Variants in POF1B observed in about 807,000 individuals in gnomAD.
POF1B encodes the protein POF1B actin binding protein.
POF1B carries 53 observed loss-of-function variants against 55.3 expected under a neutral mutation model. That is an observed-to-expected ratio of 0.96 (90% CI 0.77 to 1.20). The LOEUF is 1.20. POF1B is among the 50% of genes most tolerant of loss of function. The pLI is 0.00. For missense variants in POF1B, 478 were observed against 420.5 expected (o/e 1.14, Z -1.20); for synonymous variants, 188 against 148.3 (o/e 1.27, Z -1.95).
chrX:85,355,629 C>G (rs1469249197), intron 4 of POF1B, among the ~76,000 whole-genome samples: 1 of 111,428 alleles, frequency 9.0e-6, no homozygotes, highest in Non-Finnish European at 1.9e-5. Flanking sequence ...ACAAACAACC[C>G]CATCGAAAAG....
chrX:85,322,310 C>G (rs1217321536), intron 7 of POF1B, among the ~76,000 whole-genome samples: 16 of 110,946 alleles, frequency 1.4e-4, no homozygotes, highest in Non-Finnish European at 3.8e-5. Flanking sequence ...ACTATCTGAT[C>G]TTTGACAAAC....
intron 15 of POF1B, among the ~76,000 whole-genome samples, chrX:85,295,604 T>C (rs1172773515): frequency 1.8e-5 from 2 of 111,906 alleles, no homozygotes; most frequent in Admixed American, 9.5e-5. Context: ...TGGTATAATT[T>C]TGATTTTTTA....
At chrX:85,353,511 G>A (rs1478778021) in intron 4 of POF1B, among the ~76,000 whole-genome samples, 2 of 110,870 alleles carry the variant, frequency 1.8e-5, no homozygotes, top group South Asian at 3.8e-4. Flanking sequence ...GACATTTTAC[G>A]TGCTCCTAAT....
intron 5 of POF1B, among the ~76,000 whole-genome samples, chrX:85,350,193 C>G (rs1257069728): frequency 9.2e-6 from 1 of 108,359 alleles, no homozygotes; most frequent in Non-Finnish European, 1.9e-5. Flanking sequence ...GTCCCCCCAC[C>G]CCACAACAGT....
intron 15 of POF1B, among the ~76,000 whole-genome samples, chrX:85,288,972 A>G (rs1932121053): frequency 8.9e-6 from 1 of 111,853 alleles, no homozygotes; most frequent in African/African-American, 3.3e-5. Context: ...TGAAACAGAT[A>G]ATGTAAAAAT....
intron 5 of POF1B, among the ~76,000 whole-genome samples, chrX:85,349,929 G>A (rs752854024): frequency 9.0e-6 from 1 of 110,932 alleles, no homozygotes; most frequent in South Asian, 3.8e-4. Context: ...ATGCTTATAT[G>A]AACTGAGAAG....
Position 85,350,302 on chromosome X carries a change from C to T in POF1B, c.540+1048G>A, listed in dbSNP as rs1414253778. ...TGCGGTGTTTGGTTTTTTGTTCTTG[C>T]GATAGTTTACTGAGAATGATGATTT... On this transcript the variant is annotated intron_variant, in intron 5 of 16. Transcript: ENST00000262753. Among the ~76,000 whole-genome samples, 6 of 108,711 alleles carry T rather than the reference C, an allele frequency of 5.5e-5. No individual in the cohort carries two copies. In the Admixed American group the frequency reaches 6.0e-4, roughly 11 times the overall value. The allele number at this position is 108,711 out of a possible 115,157, so 94.4% of individuals were successfully genotyped here. A position where few individuals can be genotyped will look rare whatever the true frequency, so the allele number is the denominator to read the frequency against.
At chrX:85,356,613 C>A (rs1308604330) in intron 4 of POF1B, among the ~76,000 whole-genome samples, 4 of 109,854 alleles carry the variant, frequency 3.6e-5, no homozygotes, top group Non-Finnish European at 7.6e-5. Flanking sequence ...GGAAGTAAAT[C>A]AAAAATTGAT....
Position 85,293,503 on chromosome X carries a change from C to T in POF1B, c.1649+9903G>A, listed in dbSNP as rs183414149. 3.7e-3 allele frequency among the ~76,000 whole-genome samples: 418 copies of T among 111,563 alleles called. 2 individuals are homozygous for T. The highest frequency in any genetic ancestry group is 0.013 in the African/African-American group (407 of 30,697). ...TGGACATGTAGAGAGGAGCAACACACACTTGGCCTTTTAGAAGGTGGAAGG... is the reference window on the plus strand; with the variant it reads ...TGGACATGTAGAGAGGAGCAACACATACTTGGCCTTTTAGAAGGTGGAAGG... On this transcript the variant is annotated intron_variant, in intron 15 of 16. Coordinates refer to ENST00000262753, the MANE Select transcript of POF1B (RefSeq NM_024921.4).
chrX:85,287,970 A>G (rs2147892141), intron 15 of POF1B, among the ~76,000 whole-genome samples: 1 of 112,018 alleles, frequency 8.9e-6, no homozygotes, highest in East Asian at 2.8e-4. Flanking sequence ...TAACAGATCA[A>G]ACAAACAATA....
chrX:85,346,919 A>G (rs1337315545), intron 5 of POF1B, among the ~76,000 whole-genome samples: 2 of 111,283 alleles, frequency 1.8e-5, no homozygotes, highest in Non-Finnish European at 3.8e-5. Context: ...AATTAATGAC[A>G]AACTTGGGAC....
intron 4 of POF1B, among the ~76,000 whole-genome samples, chrX:85,352,966 G>A (rs927020753): frequency 2.7e-5 from 3 of 111,084 alleles, no homozygotes; most frequent in African/African-American, 9.8e-5. Context: ...TTTGTTATCT[G>A]TTTCTTTACA....
chrX:85,280,922 G>A (rs1289960497), intron 16 of POF1B, among the ~76,000 whole-genome samples: 1 of 110,905 alleles, frequency 9.0e-6, no homozygotes, highest in Non-Finnish European at 1.9e-5. Context: ...ATGGGAGACT[G>A]TCCTGCACAT....
At chrX:85,355,396 G>T (rs759087757) in intron 4 of POF1B, among the ~76,000 whole-genome samples, 3 of 110,714 alleles carry the variant, frequency 2.7e-5, no homozygotes, top group Admixed American at 1.9e-4. Context: ...ACATAGGCTT[G>T]GGCAAGGACT....
intron 6 of POF1B, among the ~76,000 whole-genome samples, chrX:85,340,517 G>C (rs939254847): frequency 1.8e-5 from 2 of 111,418 alleles, no homozygotes; most frequent in African/African-American, 3.3e-5. Context: ...AGTTTCAAGT[G>C]AAGATATAAA....
intron 7 of POF1B, among the ~76,000 whole-genome samples, chrX:85,323,077 C>G (rs1932856672): frequency 9.0e-6 from 1 of 111,076 alleles, no homozygotes; most frequent in East Asian, 2.8e-4. Flanking sequence ...CCACTTGACC[C>G]AGCCATCCCA....
intron 4 of POF1B, among the ~76,000 whole-genome samples, chrX:85,353,765 C>T: frequency 9.0e-6 from 1 of 111,363 alleles, no homozygotes; most frequent in Non-Finnish European, 1.9e-5. Context: ...CACCTGCTCA[C>T]TAGTGCTAGG....
chrX:85,313,364 T>C (rs141282340), intron 9 of POF1B, among the ~76,000 whole-genome samples: 1,566 of 111,894 alleles, frequency 0.014, 25 homozygotes, highest in African/African-American at 0.048. Context: ...ATACCTAGTT[T>C]ATTGAGAGTT....
intron 6 of POF1B, among the ~76,000 whole-genome samples, chrX:85,342,163 T>C (rs1933184790): frequency 8.9e-6 from 1 of 111,846 alleles, no homozygotes; most frequent in Non-Finnish European, 1.9e-5. Context: ...GAAGTATATG[T>C]AACTTGTAAT....
Sources: gnomAD v4.1 joint callset for allele counts (sites outside exome capture counted in the v4.1 genomes callset) on GRCh38, gnomAD v4.1.1 for gene constraint, MANE v1.5 for transcripts, NCBI Gene and HGNC (gene_info 2026-07-23, HGNC 2026-07-21) for gene names.